DIP2B: variants seen among roughly 807,000 people sequenced by gnomAD.
The protein encoded by DIP2B is disco-interacting protein 2 homolog B.
Under a neutral mutation model 198.0 loss-of-function variants are expected in DIP2B, and 76 were observed. That is an observed-to-expected ratio of 0.38 (90% CI 0.32 to 0.46). The LOEUF (loss-of-function observed/expected upper bound fraction) is 0.46, where lower values mean the gene tolerates loss of function less well. DIP2B is among the 20% of genes least tolerant of loss of function. DIP2B has a pLI of 0.99. For missense variants in DIP2B, 1,559 were observed against 1,978.4 expected (o/e 0.79, Z 4.02); for synonymous variants, 701 against 739.1 (o/e 0.95, Z 0.84).
intron 3 of DIP2B, among the ~76,000 whole-genome samples, chr12:50,654,069 T>A (rs1938512069): frequency 6.6e-6 from 1 of 151,962 alleles, no homozygotes; most frequent in African/African-American, 2.4e-5. Flanking sequence ...AGACGGGGTT[T>A]TACCTTGTTG....
At position 50,704,162 on chromosome 12, in the gene DIP2B, G is replaced by A; in HGVS notation, c.2348G>A (p.Gly783Asp). The A allele has an allele frequency of 6.2e-7, 1 of 1,608,342 alleles. No homozygotes were observed. The highest frequency in any genetic ancestry group is 8.5e-7 in the Non-Finnish European group (1 of 1,178,708). Reference protein sequence around the residue: ...TFEVIPVNSAGSPVGDVPFIR... With the variant: ...TFEVIPVNSADSPVGDVPFIR... ...TAGGTAATTCCAGTGAATTCTGCAG[G>A]CTCTCCTGTTGGGGATGTGCCATTC... Residue 783 changes from glycine to aspartate, a missense_variant, in exon 20 of 38, where the codon GGC becomes GAC. Transcript: ENST00000301180.
At chr12:50,553,330 G>T (rs913789001) in intron 1 of DIP2B, among the ~76,000 whole-genome samples, 1 of 152,182 alleles carries the variant, frequency 6.6e-6, no homozygotes, top group Non-Finnish European at 1.5e-5. Flanking sequence ...CTCCCAGTAT[G>T]TTGAAGTACC....
chr12:50,688,855 G>C (rs1000148531), intron 12 of DIP2B, among the ~76,000 whole-genome samples: 4 of 152,110 alleles, frequency 2.6e-5, no homozygotes, highest in Admixed American at 2.6e-4. Flanking sequence ...GAAAGGTGGA[G>C]GGTCCTCCAT....
intron 1 of DIP2B, among the ~76,000 whole-genome samples, chr12:50,595,063 A>C (rs1248416919): frequency 6.6e-6 from 1 of 152,374 alleles, no homozygotes; most frequent in East Asian, 1.9e-4. Context: ...TGTTTTAAAA[A>C]TGATTTTCAT....
intron 4 of DIP2B, 40 bp from the exon 5 acceptor site, chr12:50,671,146 A>G (rs761173844): frequency 1.2e-5 from 19 of 1,597,682 alleles, no homozygotes; most frequent in Non-Finnish European, 1.6e-5. Context: ...TCTCTGTTCT[A>G]GGTAGGATCG....
chr12:50,517,697 C>T (rs533326721), intron 1 of DIP2B, among the ~76,000 whole-genome samples: 116 of 152,306 alleles, frequency 7.6e-4, no homozygotes, highest in Middle Eastern at 3.4e-3. Context: ...CCTGCTCTGT[C>T]TATATTTGTT....
At chr12:50,592,412 C>T (rs564116028) in intron 1 of DIP2B, among the ~76,000 whole-genome samples, 1 of 152,142 alleles carries the variant, frequency 6.6e-6, no homozygotes, top group Non-Finnish European at 1.5e-5. Context: ...CTGCTTTGGC[C>T]TCCTAAAGTG....
At chr12:50,616,497 T>C (rs985475391) in intron 1 of DIP2B, among the ~76,000 whole-genome samples, 2 of 152,268 alleles carry the variant, frequency 1.3e-5, no homozygotes, top group African/African-American at 4.8e-5. Context: ...GAAAATGTTA[T>C]GTCTTTTTAC....
intron 1 of DIP2B, among the ~76,000 whole-genome samples, chr12:50,583,035 T>G (rs755339584): frequency 2.3e-4 from 35 of 152,210 alleles, no homozygotes; most frequent in Non-Finnish European, 4.4e-4. Flanking sequence ...TAAAATTGAT[T>G]GAAGGAAATG....
intron 1 of DIP2B, among the ~76,000 whole-genome samples, chr12:50,585,488 G>A (rs1465931658): frequency 6.6e-6 from 1 of 152,214 alleles, no homozygotes; most frequent in Non-Finnish European, 1.5e-5. Flanking sequence ...TGAAGAGAGA[G>A]CATCATGTGA....
intron 3 of DIP2B, among the ~76,000 whole-genome samples, chr12:50,655,912 T>G (rs769200708): frequency 2.0e-5 from 3 of 152,094 alleles, no homozygotes; most frequent in Non-Finnish European, 2.9e-5. Context: ...GATGTGGAGG[T>G]TGCAGTGAGC....
At chr12:50,683,552 CG>C (rs1387526327) in intron 10 of DIP2B, among the ~76,000 whole-genome samples, 1 of 151,062 alleles carries the variant, frequency 6.6e-6, no homozygotes, top group Non-Finnish European at 1.5e-5. Flanking sequence ...GAAGCTGAGG[CG>C]GGGGGATCAC....
At chr12:50,735,338 T>G (rs1340365614) in intron 34 of DIP2B, among the ~76,000 whole-genome samples, 3 of 152,216 alleles carry the variant, frequency 2.0e-5, no homozygotes, top group African/African-American at 7.2e-5. Context: ...TTTCCATCGA[T>G]TTTTAAAAAT....
chr12:50,739,532 C>T lies in DIP2B; in HGVS notation c.4300C>T (p.Arg1434Trp), dbSNP rs980988615. The T allele has an allele frequency of 4.3e-6, 7 of 1,614,160 alleles. No homozygotes were observed. The highest frequency in any genetic ancestry group is 5.1e-6 in the Non-Finnish European group (6 of 1,180,018). Reference sequence around the variant, plus strand: ...AGATGCAGCTCAGACACTCTGGGCTCGGACAGGATACCTTGGTTTTGTCCG... The same window carrying T: ...AGATGCAGCTCAGACACTCTGGGCTTGGACAGGATACCTTGGTTTTGTCCG... Reference protein sequence around the residue: ...FGDAAQTLWARTGYLGFVRRT... With the variant: ...FGDAAQTLWAWTGYLGFVRRT... Residue 1434 changes from arginine to tryptophan, a missense_variant, in exon 36 of 38, where the codon CGG becomes TGG. Coordinates refer to ENST00000301180, the MANE Select transcript of DIP2B (RefSeq NM_173602.3).
intron 1 of DIP2B, among the ~76,000 whole-genome samples, chr12:50,521,407 G>A (rs1010076340): frequency 6.6e-6 from 1 of 150,982 alleles, no homozygotes; most frequent in African/African-American, 2.4e-5. Context: ...GCCCAGCTCA[G>A]CAACAGTTTT....
chr12:50,563,081 A>G (rs1352568684), intron 1 of DIP2B, among the ~76,000 whole-genome samples: 1 of 152,242 alleles, frequency 6.6e-6, no homozygotes, highest in African/African-American at 2.4e-5. Flanking sequence ...TGGAACCAAC[A>G]GAAGACCTGT....
chr12:50,613,584 A>G lies in DIP2B; in HGVS notation c.101-12392A>G, dbSNP rs147171967. Among the ~76,000 whole-genome samples, 7 of 152,306 alleles carry G rather than the reference A, an allele frequency of 4.6e-5. No homozygotes were observed. The East Asian group carries it at 5.8e-4, about 13-fold the overall frequency. ...CACAGAAAATGATAATATTTGTTCA[A>G]TACAGTGGGGTAAAAAGAGTGCCTG... is the stretch of plus-strand genomic sequence containing the variant. On this transcript the variant is annotated intron_variant, in intron 1 of 37. Coordinates refer to ENST00000301180, the MANE Select transcript of DIP2B (RefSeq NM_173602.3).
chr12:50,726,742 C>G (rs1939943090), intron 28 of DIP2B, among the ~76,000 whole-genome samples: 1 of 149,932 alleles, frequency 6.7e-6, no homozygotes, highest in African/African-American at 2.5e-5. Context: ...TTCACACAAC[C>G]CTCCTGCCTC....
chr12:50,613,767 A>G (rs1937647254), intron 1 of DIP2B, among the ~76,000 whole-genome samples: 1 of 152,186 alleles, frequency 6.6e-6, no homozygotes, highest in Admixed American at 6.5e-5. Flanking sequence ...CTAACCACTG[A>G]CAACACTAAC....
Sources: allele counts gnomAD v4.1 joint callset (sites outside exome capture counted in the v4.1 genomes callset), GRCh38; gene constraint gnomAD v4.1.1; transcripts MANE v1.5; gene names NCBI Gene and HGNC (gene_info 2026-07-23, HGNC 2026-07-21).